BCORL1: variants seen among roughly 807,000 people sequenced by gnomAD.
BCORL1 encodes the protein BCL6 corepressor like 1.
BCORL1 carries 7 observed loss-of-function variants against 87.6 expected under a neutral mutation model. The ratio of observed to expected loss-of-function variants is 0.08; its 90% CI spans 0.05 to 0.15. BCORL1 has a LOEUF of 0.15. BCORL1 is among the 10% of genes least tolerant of loss of function. BCORL1 has a pLI of 1.00. For synonymous variants in BCORL1, 591 were observed against 634.4 expected, an observed-to-expected ratio of 0.93 and a Z score of 1.03; for missense variants, 1,215 against 1,499.7, an observed-to-expected ratio of 0.81 and a Z score of 3.13.
intron 1 of BCORL1, among the ~76,000 whole-genome samples, chrX:129,992,967 A>G (rs778192798): frequency 8.9e-6 from 1 of 111,902 alleles, no homozygotes; most frequent in African/African-American, 3.2e-5. Context: ...AAGCATCTCA[A>G]AAGGGATTCA....
chrX:130,052,444 C>T (rs1932129188), intron 13 of BCORL1, among the ~76,000 whole-genome samples: 1 of 112,566 alleles, frequency 8.9e-6, no homozygotes, highest in Non-Finnish European at 1.9e-5. Context: ...TAATCCACAG[C>T]CTAGTTTCTC....
At chrX:130,034,748 C>T (rs187187796) in intron 9 of BCORL1, 72 bp downstream of exon 9, 1 of 790,976 alleles carries the variant, frequency 1.3e-6, no homozygotes, top group Admixed American at 3.1e-5. Context: ...TCTCCATGGG[C>T]TCTTCTGGTG....
At chrX:129,987,216 G>A in intron 1 of BCORL1, among the ~76,000 whole-genome samples, 1 of 111,950 alleles carries the variant, frequency 8.9e-6, no homozygotes, top group Non-Finnish European at 1.9e-5. Flanking sequence ...TGGGGTAAAA[G>A]TAGGGTGGGG....
At chrX:130,050,628 T>C in intron 11 of BCORL1, 89 bp from the exon 12 acceptor site, 11 of 772,002 alleles carry the variant, frequency 1.4e-5, no homozygotes, top group Non-Finnish European at 2.0e-5. Context: ...CCTTCTCCCA[T>C]TCCCTTAGCC....
intron 1 of BCORL1, among the ~76,000 whole-genome samples, chrX:129,989,810 G>A (rs748090732): frequency 1.9e-5 from 2 of 103,081 alleles, no homozygotes; most frequent in South Asian, 8.7e-4. Flanking sequence ...TTTTTAGACA[G>A]AGTCTTGCTC....
chrX:129,983,436 G>C (rs976094396), intron 1 of BCORL1, among the ~76,000 whole-genome samples: 2 of 101,436 alleles, frequency 2.0e-5, no homozygotes, highest in Non-Finnish European at 4.1e-5. Context: ...TGGGGGGGGG[G>C]GGTGTCCGTG....
chrX:130,046,356 AT>A (rs1931742859), intron 11 of BCORL1, among the ~76,000 whole-genome samples: 1 of 110,247 alleles, frequency 9.1e-6, no homozygotes, highest in Admixed American at 9.7e-5. Context: ...AACCACCTCT[AT>A]CTAGTTCCAA....
intron 10 of BCORL1, 31 bp from the exon 11 acceptor site, chrX:130,039,106 C>T (rs765639101): frequency 8.3e-7 from 1 of 1,207,885 alleles, no homozygotes; most frequent in East Asian, 3.0e-5. Flanking sequence ...CACTTGGGCC[C>T]TGTTATCCTC....
intron 1 of BCORL1, among the ~76,000 whole-genome samples, chrX:129,996,463 C>T (rs1307553932): frequency 9.0e-6 from 1 of 111,129 alleles, no homozygotes; most frequent in African/African-American, 3.3e-5. Flanking sequence ...TGGTAGAGTC[C>T]AAGCATGAAT....
rs1225621645 is a variant in BCORL1, at chrX:130,025,103, G to T, written c.3802G>T (p.Val1268Leu). Reference sequence around the variant, plus strand: ...CCCCACCCCAGCTAAGCGTCGAAAGGTGAGAAAGACCCAACGGGACACCCA... The same window carrying T: ...CCCCACCCCAGCTAAGCGTCGAAAGTTGAGAAAGACCCAACGGGACACCCA... The part of the protein sequence containing the change: ...VTPTPAKRRK[V>L]RKTQRDTQYR... The change falls in exon 7 of 14, where the codon GTG becomes TTG. Residue 1268 changes from valine (V) to leucine (L), a missense_variant. By Grantham distance (32) the Val-to-Leu change is conservative. Transcript: ENST00000540052. 2 of 1,212,060 alleles carry T rather than the reference G, an allele frequency of 1.7e-6. No homozygotes were observed. Among genetic ancestry groups the T allele is most frequent in the Non-Finnish European group, 2.2e-6 (2 of 895,584 alleles).
At position 130,013,450 on chromosome X, in the gene BCORL1, C is replaced by A; in HGVS notation, c.678C>A (p.Ser226=). ...SVPDAFQVPL[S]VPAPVPHSGL... The stretch of plus-strand genomic sequence containing the variant: ...CAGATGCATTCCAGGTTCCCCTCTC[C>A]GTCCCTGCCCCAGTCCCCCATTCAG... The change falls in exon 4 of 14, where the codon TCC becomes TCA. Residue 226 remains serine, a synonymous_variant. Transcript: ENST00000540052. The A allele has an allele frequency of 9.1e-6, 11 of 1,211,234 alleles. No homozygotes were observed. Among genetic ancestry groups the A allele is most frequent in the Non-Finnish European group, 1.2e-5 (11 of 895,405 alleles).
chrX:129,997,771 G>A lies in BCORL1; in HGVS notation c.-44-7417G>A, dbSNP rs772949113. Among the ~76,000 whole-genome samples, 7 of 87,283 alleles carry A rather than the reference G, an allele frequency of 8.0e-5. No homozygotes were observed. The Admixed American group carries it at 1.1e-3, about 13-fold the overall frequency. 75.8% of individuals were successfully genotyped at this position (87,283 alleles called of 115,157 possible). ...CGCGCCATTGCACTCCAGCCTTGGT[G>A]ACAGAGCGAGACTCCGACTCACCAA... On this transcript the variant is annotated intron_variant, in intron 1 of 13. Coordinates refer to ENST00000540052, the MANE Select transcript of BCORL1 (RefSeq NM_001379451.1).
intron 6 of BCORL1, 129 bp downstream of exon 6, chrX:130,023,106 C>T (rs1251842071): frequency 1.1e-5 from 6 of 549,378 alleles, no homozygotes; most frequent in South Asian, 8.7e-5. Flanking sequence ...CCACAATGCC[C>T]AGCTCCTTGC....
chrX:130,009,653 G>A (rs932856829), intron 2 of BCORL1, among the ~76,000 whole-genome samples: 55 of 109,933 alleles, frequency 5.0e-4, no homozygotes, highest in Admixed American at 3.9e-4. Context: ...AAGAGGGTCC[G>A]GTTTGACAGT....
intron 1 of BCORL1, among the ~76,000 whole-genome samples, chrX:129,989,967 G>A (rs1274049994): frequency 1.8e-5 from 2 of 109,216 alleles, no homozygotes; most frequent in African/African-American, 6.7e-5. Flanking sequence ...TGTATTTTTA[G>A]TAGAGATGGG....
rs942618700 is a variant in BCORL1 at position 130,021,107 on chromosome X, G to A, written c.3564G>A (p.Pro1188=). ...ACAAGCACCGGAAGCCGACAAAGCC[G>A]GAGTCCCAGTCTCCAGGAAAACGAG... ...GKHKHRKPTK[P]ESQSPGKRAD... is the part of the protein sequence containing the mutation. Residue 1188 remains proline (P), a synonymous_variant, in exon 5 of 14, where the codon CCG becomes CCA. Coordinates refer to ENST00000540052, the MANE Select transcript of BCORL1 (RefSeq NM_001379451.1). 6 of 1,199,366 alleles carry A rather than the reference G, an allele frequency of 5.0e-6. No individual in the cohort carries two copies. Among genetic ancestry groups the A allele is most frequent in the African/African-American group, 3.6e-5 (2 of 56,228 alleles).
intron 1 of BCORL1, among the ~76,000 whole-genome samples, chrX:129,989,055 G>C (rs973334973): frequency 9.0e-6 from 1 of 111,521 alleles, no homozygotes; most frequent in Admixed American, 9.6e-5. Flanking sequence ...TGCCTGGGGG[G>C]GCTTTGGAGA....
At chrX:129,995,754 T>TG (rs1457606078) in intron 1 of BCORL1, among the ~76,000 whole-genome samples, 1 of 111,761 alleles carries the variant, frequency 8.9e-6, no homozygotes, top group African/African-American at 3.3e-5. Context: ...CGGTTTAAAT[T>TG]GGGGTAACTT....
Position 130,013,435 on chromosome X carries a change from C to A in BCORL1, c.663C>A (p.Phe221Leu), listed in dbSNP as rs1929140859. 2 of 1,211,209 alleles carry A rather than the reference C, an allele frequency of 1.7e-6. No individual in the cohort carries two copies. Among genetic ancestry groups the A allele is most frequent in the Non-Finnish European group, 2.2e-6 (2 of 895,382 alleles). Residue 221 changes from phenylalanine to leucine, a missense_variant, in exon 4 of 14, where the codon TTC (phenylalanine) becomes TTA (leucine). Around this residue, in one of 5 missense-constraint regions of BCORL1, gnomAD observed 861 missense variants for 1,010.0 expected, o/e 0.85. Transcript: ENST00000540052. ...ASVPHSVPDA[F>L]QVPLSVPAPV... ...TGCCCCACTCTGTTCCAGATGCATT[C>A]CAGGTTCCCCTCTCCGTCCCTGCCC...
Sources: allele counts gnomAD v4.1 joint callset (sites outside exome capture counted in the v4.1 genomes callset), GRCh38; gene constraint gnomAD v4.1.1; regional missense constraint gnomAD v4.1.1; transcripts MANE v1.5; gene names NCBI Gene and HGNC (gene_info 2026-07-23, HGNC 2026-07-21).